Variants in HOMER2 observed in about 807,000 individuals in gnomAD.
HOMER2 encodes the protein homer scaffold protein 2, also known as homer protein homolog 2.
A neutral mutation model predicts 47.0 loss-of-function variants in HOMER2; 27 were observed. The ratio of observed to expected loss-of-function variants is 0.57; its 90% confidence interval spans 0.42 to 0.79. The LOEUF (loss-of-function observed/expected upper bound fraction) is 0.79. Ranked by LOEUF, HOMER2 falls within the 30% of genes least tolerant of loss-of-function variation. HOMER2 has a pLI of 0.00. For missense variants in HOMER2, 443 were observed against 435.0 expected, an observed-to-expected ratio of 1.02 and a Z score of -0.16; for synonymous variants, 161 against 163.8, an observed-to-expected ratio of 0.98 and a Z score of 0.13.
intron 1 of HOMER2, among the ~76,000 whole-genome samples, chr15:82,967,622 T>C (rs1211945431): frequency 1.3e-5 from 2 of 152,182 alleles, no homozygotes; most frequent in Non-Finnish European, 2.9e-5. Context: ...ATGCCTGTAA[T>C]CCCAGCACTT....
rs2053501263 is a variant in HOMER2, at chr15:82,913,469, C to T, written c.6-20628G>A. On this transcript the variant is annotated intron_variant, in intron 1 of 8. Coordinates refer to ENST00000450735, the MANE Select transcript of HOMER2 (RefSeq NM_004839.4). The surrounding 1 kb of genome is among the most constrained non-coding windows in gnomAD (Gnocchi z 4.1). ...TAACCAATGGTGCCTACCAGCAGAG[C>T]CTGAGAGTCTGACCTACTGCCTACA... 6.6e-6 allele frequency among the ~76,000 whole-genome samples: 1 copy of T among 152,178 alleles called. No individual in the cohort carries two copies. Among genetic ancestry groups the T allele is most frequent in the African/African-American group, 2.4e-5 (1 of 41,442 alleles).
chr15:82,928,874 C>T (rs2053922223), intron 1 of HOMER2, among the ~76,000 whole-genome samples: 1 of 146,458 alleles, frequency 6.8e-6, no homozygotes, highest in African/African-American at 2.6e-5. Context: ...CAGATGAATC[C>T]TATTACAGCC....
Position 82,952,675 on chromosome 15 carries a change from C to A in HOMER2, c.-140G>T. ...CCCGGCGCCGCTCCATTCCGCGGGG[C>A]TGCGCGGCTGCCACTGCTGCCACTG... On this transcript the variant is annotated 5_prime_UTR_variant, in exon 1 of 9. Coordinates refer to ENST00000450735, the MANE Select transcript of HOMER2 (RefSeq NM_004839.4). The A allele has an allele frequency of 1.0e-6, 1 of 993,480 alleles. No individual in the cohort carries two copies. The highest frequency in any genetic ancestry group is 1.2e-6 in the Non-Finnish European group (1 of 836,590). 61.5% of individuals were successfully genotyped at this position (993,480 alleles called of 1,614,324 possible).
chr15:82,850,837 C>T (rs1319638887), intron 8 of HOMER2, among the ~76,000 whole-genome samples: 1 of 152,184 alleles, frequency 6.6e-6, no homozygotes, highest in Non-Finnish European at 1.5e-5. Context: ...ACACCCTGAC[C>T]CTGGGCTCTC....
At position 82,952,597 on chromosome 15, in the gene HOMER2, G is replaced by C. The variant is rs892097452; in HGVS notation, c.-62C>G. 42 of 1,124,494 alleles carry C rather than the reference G, an allele frequency of 3.7e-5. No homozygotes were observed. The highest frequency in any genetic ancestry group is 5.0e-5 in the Admixed American group (1 of 20,006). The allele number at this position is 1,124,494 out of a possible 1,614,324, so 69.7% of individuals were successfully genotyped here. A position where few individuals can be genotyped will look rare whatever the true frequency, so the allele number is the denominator to read the frequency against. ...TCTCGCGCTCGCTCTCCGCCCGCTC[G>C]GCAGCCGCTCCCCGCGCGGCACATG... On this transcript the variant is annotated 5_prime_UTR_variant, in exon 1 of 9. Transcript: ENST00000450735.
chr15:82,968,409 C>T (rs776943917), intron 1 of HOMER2, among the ~76,000 whole-genome samples: 2 of 152,208 alleles, frequency 1.3e-5, no homozygotes, highest in Non-Finnish European at 2.9e-5. Flanking sequence ...ACATTCAACA[C>T]ATTTGTTTAG....
chr15:82,966,929 T>C (rs2054679924), intron 1 of HOMER2, among the ~76,000 whole-genome samples: 1 of 152,218 alleles, frequency 6.6e-6, no homozygotes, highest in African/African-American at 2.4e-5. Flanking sequence ...TAGTTTGGTC[T>C]CTTTAAAACC....
intron 1 of HOMER2, among the ~76,000 whole-genome samples, chr15:82,947,067 T>C (rs560259443): frequency 6.6e-6 from 1 of 152,348 alleles, no homozygotes; most frequent in South Asian, 2.1e-4. Context: ...AACTAACTAG[T>C]GGGTCTGCTC....
chr15:82,971,754 G>C (rs922545321), intron 1 of HOMER2, among the ~76,000 whole-genome samples: 1 of 151,064 alleles, frequency 6.6e-6, no homozygotes, highest in Admixed American at 6.6e-5. Context: ...ACTGTGCAAG[G>C]ACAGAACAGA....
intron 1 of HOMER2, among the ~76,000 whole-genome samples, chr15:82,968,869 G>T (rs767333878): frequency 6.6e-6 from 1 of 152,190 alleles, no homozygotes; most frequent in Admixed American, 6.5e-5. Context: ...TGCCTTCACA[G>T]CCAGACTATC....
At chr15:82,982,723 A>G (rs558627221) in intron 1 of HOMER2, among the ~76,000 whole-genome samples, 2 of 152,310 alleles carry the variant, frequency 1.3e-5, no homozygotes, top group African/African-American at 4.8e-5. Flanking sequence ...AATAATGTCA[A>G]TAATAGTCAC....
chr15:82,859,846 A>T (rs1464508815), intron 4 of HOMER2, among the ~76,000 whole-genome samples: 1 of 152,164 alleles, frequency 6.6e-6, no homozygotes, highest in African/African-American at 2.4e-5. Context: ...GTATAAATCC[A>T]AGTTTCAATT....
chr15:82,905,988 T>C (rs2053273479), intron 1 of HOMER2, among the ~76,000 whole-genome samples: 1 of 152,226 alleles, frequency 6.6e-6, no homozygotes, highest in Non-Finnish European at 1.5e-5. Flanking sequence ...TGTATATATA[T>C]GCTTATATGT....
chr15:82,950,334 A>G (rs1209634557), intron 1 of HOMER2, among the ~76,000 whole-genome samples: 1 of 152,170 alleles, frequency 6.6e-6, no homozygotes, highest in Non-Finnish European at 1.5e-5. Flanking sequence ...GAGGAGAAGC[A>G]TCTCAAGTTG....
downstream of HOMER2, chr15:82,844,092 T>C (rs142247032): frequency 2.6e-5 from 4 of 152,364 alleles, no homozygotes; most frequent in East Asian, 7.7e-4. Flanking sequence ...AGGCAGACAC[T>C]GCGGAACTGC....
chr15:82,878,738 C>T (rs2052431653), intron 2 of HOMER2, among the ~76,000 whole-genome samples: 1 of 152,194 alleles, frequency 6.6e-6, no homozygotes, highest in African/African-American at 2.4e-5. Flanking sequence ...AGTGATCCTC[C>T]CGTCTCAGCC....
intron 4 of HOMER2, among the ~76,000 whole-genome samples, chr15:82,860,873 G>A (rs1035276664): frequency 6.6e-6 from 1 of 151,342 alleles, no homozygotes; most frequent in Non-Finnish European, 1.5e-5. Flanking sequence ...GGTGGCAGAG[G>A]TTGCAGTGAG....
At chr15:82,959,908 T>C (rs2054616296) in intron 1 of HOMER2, among the ~76,000 whole-genome samples, 1 of 152,200 alleles carries the variant, frequency 6.6e-6, no homozygotes, top group East Asian at 1.9e-4. Context: ...GGAGGTGCAG[T>C]ACCTCCTGTG....
rs1375122455 is a variant in HOMER2 at position 82,865,061 on chromosome 15, G to A, written c.295-802C>T. Among the ~76,000 whole-genome samples, 7 of 152,302 alleles carry A rather than the reference G, an allele frequency of 4.6e-5. No individual in the cohort carries two copies. In the East Asian group the frequency reaches 1.3e-3, roughly 29 times the overall value. ...ATCCTCTGAGTATCTTCACAATGCC[G>A]ACAACAGTGGTCTACTTTAGGAAAC... On this transcript the variant is annotated intron_variant, in intron 3 of 8. Transcript: ENST00000450735.
Sources: gnomAD v4.1 joint callset for allele counts (sites outside exome capture counted in the v4.1 genomes callset) on GRCh38, gnomAD v4.1.1 for gene constraint, Gnocchi (gnomAD v3.1) non-coding constraint, MANE v1.5 for transcripts, NCBI Gene and HGNC (gene_info 2026-07-23, HGNC 2026-07-21) for gene names.